Variants in TASP1 observed in about 807,000 individuals in gnomAD.
TASP1 encodes threonine aspartase 1.
A neutral mutation model predicts 56.6 loss-of-function variants in TASP1; 16 were observed. The observed-to-expected ratio is 0.28, with a 90% confidence interval of 0.19 to 0.43. The LOEUF (loss-of-function observed/expected upper bound fraction) is 0.43, where lower values mean the gene tolerates loss of function less well. Ranked by LOEUF, TASP1 falls within the 20% of genes least tolerant of loss-of-function variation. The pLI is 1.00. For missense variants in TASP1, 393 were observed against 511.6 expected, an observed-to-expected ratio of 0.77 and a Z score of 2.24; for synonymous variants, 179 against 184.2, an observed-to-expected ratio of 0.97 and a Z score of 0.23.
At chr20:13,201,290 A>G in the TASP1 span, among the ~76,000 whole-genome samples, 17 of 152,142 alleles carry the variant, frequency 1.1e-4, no homozygotes, top group Non-Finnish European at 1.2e-4. Flanking sequence ...AAGAGATGAT[A>G]GAGACCTGGC....
chr20:13,214,556 C>CAG, the TASP1 span, among the ~76,000 whole-genome samples: 12 of 107,834 alleles, frequency 1.1e-4, no homozygotes, highest in African/African-American at 4.5e-4. Flanking sequence ...CACACACACA[C>CAG]ACACACAGAG....
intron 10 of TASP1, among the ~76,000 whole-genome samples, chr20:13,511,837 T>C (rs1473760185): frequency 6.8e-6 from 1 of 146,428 alleles, no homozygotes; most frequent in Non-Finnish European, 1.5e-5. Flanking sequence ...TTCTCACCTA[T>C]GAGTGAGAAC....
the TASP1 span, among the ~76,000 whole-genome samples, chr20:13,253,332 T>G: frequency 6.8e-6 from 1 of 146,026 alleles, no homozygotes; most frequent in South Asian, 2.2e-4. Context: ...ATAGGGGCAT[T>G]CCTGAGGAGT....
chr20:13,240,922 T>C, the TASP1 span, among the ~76,000 whole-genome samples: 1 of 152,142 alleles, frequency 6.6e-6, no homozygotes, highest in Non-Finnish European at 1.5e-5. Context: ...ATGTGGAATA[T>C]GAGATGCCTC....
At chr20:13,468,738 T>A (rs1343693609) in intron 11 of TASP1, among the ~76,000 whole-genome samples, 2 of 152,110 alleles carry the variant, frequency 1.3e-5, no homozygotes, top group Non-Finnish European at 2.9e-5. Flanking sequence ...ATATTAGTGG[T>A]TTTCCCCACA....
chr20:13,578,101 T>C (rs911845448), intron 6 of TASP1, among the ~76,000 whole-genome samples: 3 of 152,186 alleles, frequency 2.0e-5, no homozygotes, highest in African/African-American at 4.8e-5. Context: ...TGGCTGTTTA[T>C]GTTCCCATCA....
At chr20:13,338,914 C>T in the TASP1 span, among the ~76,000 whole-genome samples, 1 of 152,178 alleles carries the variant, frequency 6.6e-6, no homozygotes, top group African/African-American at 2.4e-5. Context: ...TACACCTACA[C>T]ACAAACACAC....
chr20:13,359,854 C>A, the TASP1 span, among the ~76,000 whole-genome samples: 1 of 151,906 alleles, frequency 6.6e-6, no homozygotes, highest in African/African-American at 2.4e-5. Context: ...CCTTAACCCA[C>A]AAGTATAAGA....
the TASP1 span, among the ~76,000 whole-genome samples, chr20:13,236,219 G>A: frequency 1.1e-4 from 16 of 152,270 alleles, no homozygotes; most frequent in East Asian, 1.9e-4. Flanking sequence ...CAATGTGCCC[G>A]TCTCGGCCAT....
chr20:13,320,212 G>T, the TASP1 span, among the ~76,000 whole-genome samples: 1 of 152,186 alleles, frequency 6.6e-6, no homozygotes, highest in African/African-American at 2.4e-5. Flanking sequence ...TTTTTCCCTG[G>T]AACTAAGACT....
At chr20:13,507,006 G>A (rs1322069298) in intron 10 of TASP1, among the ~76,000 whole-genome samples, 1 of 151,916 alleles carries the variant, frequency 6.6e-6, no homozygotes, top group South Asian at 2.1e-4. Flanking sequence ...ATGACAAAAT[G>A]TTATATATAG....
intron 13 of TASP1, among the ~76,000 whole-genome samples, chr20:13,415,114 C>T (rs746741977): frequency 1.3e-5 from 2 of 152,026 alleles, no homozygotes; most frequent in Non-Finnish European, 2.9e-5. Flanking sequence ...TTTTAAGATG[C>T]CTTCTTACTC....
At position 13,628,406 on chromosome 20, in the gene TASP1, A is replaced by G. The variant is rs187798462; in HGVS notation, c.145+1528T>C. On this transcript the variant is annotated intron_variant, in intron 2 of 13. Transcript: ENST00000337743. ...TAGTGTAGTGGAAAGAACACAGACT[A>G]GGAGTCTGAAGGCAGAAGCTCTAGT... 1.7e-4 allele frequency among the ~76,000 whole-genome samples: 26 copies of G among 152,340 alleles called. No individual in the cohort carries two copies. The East Asian group carries it at 4.6e-3, about 27-fold the overall frequency.
At chr20:13,186,449 G>A in the TASP1 span, among the ~76,000 whole-genome samples, 1 of 152,122 alleles carries the variant, frequency 6.6e-6, no homozygotes, top group Admixed American at 6.5e-5. Flanking sequence ...AAATAGACTG[G>A]GAATGCTGAA....
intron 13 of TASP1, among the ~76,000 whole-genome samples, chr20:13,403,469 C>T (rs1315882054): frequency 2.0e-5 from 3 of 152,174 alleles, no homozygotes; most frequent in Non-Finnish European, 4.4e-5. Flanking sequence ...GCCACCACCA[C>T]CCATCATAAC....
rs934578797 is a variant in TASP1, at chr20:13,512,045, A to G, written c.874+16388T>C. 9.9e-5 allele frequency among the ~76,000 whole-genome samples: 15 copies of G among 152,166 alleles called. No individual in the cohort carries two copies. The Middle Eastern group carries it at 0.01, about 104-fold the overall frequency. ...GTTGGTTCCAAGTCTCTGCTATTGCAAATAGTGCCGCAATATACATACCTG... is the reference window on the plus strand; with the variant it reads ...GTTGGTTCCAAGTCTCTGCTATTGCGAATAGTGCCGCAATATACATACCTG... On this transcript the variant is annotated intron_variant, in intron 10 of 13. Coordinates refer to ENST00000337743, the MANE Select transcript of TASP1 (RefSeq NM_017714.3).
chr20:13,234,748 GTCT>G, the TASP1 span, among the ~76,000 whole-genome samples: 1 of 152,058 alleles, frequency 6.6e-6, no homozygotes, highest in African/African-American at 2.4e-5. Flanking sequence ...CCTCTTGTAT[GTCT>G]TCTTTTGAAA....
chr20:13,445,258 A>G (rs1198511013), intron 11 of TASP1, among the ~76,000 whole-genome samples: 1 of 152,204 alleles, frequency 6.6e-6, no homozygotes, highest in Non-Finnish European at 1.5e-5. Flanking sequence ...CAGCTTCTTG[A>G]TTTAATCAAT....
At chr20:13,150,999 T>G in the TASP1 span, among the ~76,000 whole-genome samples, 1 of 152,332 alleles carries the variant, frequency 6.6e-6, no homozygotes, top group African/African-American at 2.4e-5. Flanking sequence ...AGTTGCAATT[T>G]TACATCCATT....
Sources: gnomAD v4.1 joint callset for allele counts (sites outside exome capture counted in the v4.1 genomes callset) on GRCh38, gnomAD v4.1.1 for gene constraint, MANE v1.5 for transcripts, NCBI Gene and HGNC (gene_info 2026-07-23, HGNC 2026-07-21) for gene names.